The following GPR158 variants were observed in gnomAD, a reference collection of about 807,000 sequenced individuals.
The protein encoded by GPR158 is metabotropic glycine receptor.
A neutral mutation model predicts 78.2 loss-of-function variants in GPR158; 30 were observed. That is an observed-to-expected ratio of 0.38 (90% CI 0.29 to 0.52). The LOEUF (loss-of-function observed/expected upper bound fraction) is 0.52. GPR158 is among the 20% of genes least tolerant of loss of function. GPR158 has a pLI of 0.83. For synonymous variants in GPR158, 581 were observed against 591.1 expected (o/e 0.98, Z 0.25); for missense variants, 1,463 against 1,523.5 (o/e 0.96, Z 0.66).
At chr10:25,436,782 G>A (rs1470599068) in intron 4 of GPR158, among the ~76,000 whole-genome samples, 3 of 151,972 alleles carry the variant, frequency 2.0e-5, no homozygotes, top group African/African-American at 7.3e-5. Context: ...TATTTGAGAA[G>A]GAGCAGAAAA....
intron 4 of GPR158, among the ~76,000 whole-genome samples, chr10:25,440,245 G>A (rs1835050496): frequency 6.6e-6 from 1 of 152,214 alleles, no homozygotes; most frequent in Non-Finnish European, 1.5e-5. Flanking sequence ...GCTCAGTACA[G>A]GGGCCTGGGC....
chr10:25,575,354 A>C (rs1837077346), intron 7 of GPR158, among the ~76,000 whole-genome samples: 1 of 152,162 alleles, frequency 6.6e-6, no homozygotes, highest in African/African-American at 2.4e-5. Flanking sequence ...TTTTAAGTGA[A>C]ATGCACCAAA....
intron 8 of GPR158, among the ~76,000 whole-genome samples, chr10:25,591,939 A>ATTGCCT (rs1837346264): frequency 6.6e-6 from 1 of 152,050 alleles, no homozygotes; most frequent in African/African-American, 2.4e-5. Context: ...GGCAATAATA[A>ATTGCCT]ACCAATCAAG....
chr10:25,596,561 ATATAGG>A lies in GPR158; in HGVS notation c.1999-76_1999-71del, dbSNP rs747883417. On this transcript the variant is annotated intron_variant, in intron 9 of 10. Coordinates refer to ENST00000376351, the MANE Select transcript of GPR158 (RefSeq NM_020752.3). ...GGTATAGATATAGATACCTATATAG[ATATAGG>A]TATAGATATAGATATAGATATATGC... The A allele has an allele frequency of 8.4e-5, 76 of 909,626 alleles. No homozygotes were observed. In the African/African-American group the frequency reaches 1.0e-3, roughly 12 times the overall value. The allele number at this position is 909,626 out of a possible 1,614,324, so 56.3% of individuals were successfully genotyped here.
intron 2 of GPR158, among the ~76,000 whole-genome samples, chr10:25,382,166 G>T (rs1360341389): frequency 2.0e-5 from 3 of 152,194 alleles, no homozygotes; most frequent in Non-Finnish European, 4.4e-5. Flanking sequence ...AACATACAAA[G>T]AATTTACGTT....
intron 1 of GPR158, among the ~76,000 whole-genome samples, chr10:25,178,071 C>G (rs1194095428): frequency 2.0e-5 from 3 of 152,212 alleles, no homozygotes; most frequent in African/African-American, 7.2e-5. Flanking sequence ...TCTTTTTCAT[C>G]TAACATTCGC....
chr10:25,375,243 C>CTTT (rs1834061225), intron 2 of GPR158, among the ~76,000 whole-genome samples: 1 of 151,370 alleles, frequency 6.6e-6, no homozygotes, highest in African/African-American at 2.4e-5. Context: ...TGTATTTTTA[C>CTTT]CCTTCAATTT....
intron 1 of GPR158, among the ~76,000 whole-genome samples, chr10:25,216,978 G>A (rs1853225286): frequency 6.6e-6 from 1 of 152,152 alleles, no homozygotes; most frequent in African/African-American, 2.4e-5. Context: ...TTAGGAAAGT[G>A]AGTAATATTG....
At chr10:25,289,490 T>A (rs761651541) in intron 2 of GPR158, among the ~76,000 whole-genome samples, 5 of 152,132 alleles carry the variant, frequency 3.3e-5, no homozygotes, top group Non-Finnish European at 7.4e-5. Context: ...TGGAGTGCAG[T>A]GGCGCCATCT....
chr10:25,476,168 C>T (rs1266004383), intron 5 of GPR158, among the ~76,000 whole-genome samples: 1 of 152,094 alleles, frequency 6.6e-6, no homozygotes, highest in African/African-American at 2.4e-5. Context: ...GAAGTCTGTA[C>T]ATTTGTGAAC....
intron 1 of GPR158, among the ~76,000 whole-genome samples, chr10:25,204,408 ATTATT>A (rs1247415441): frequency 2.0e-5 from 3 of 152,112 alleles, no homozygotes; most frequent in African/African-American, 7.2e-5. Context: ...AATAGCTCTT[ATTATT>A]TTGAGAGATG....
chr10:25,368,770 G>A (rs1251942177), intron 2 of GPR158, among the ~76,000 whole-genome samples: 1 of 51,370 alleles, frequency 1.9e-5, no homozygotes, highest in Non-Finnish European at 5.5e-5. Context: ...GGGCAGTATG[G>A]CCATTTTCAT....
intron 5 of GPR158, among the ~76,000 whole-genome samples, chr10:25,510,759 C>G (rs1836074473): frequency 6.6e-6 from 1 of 152,180 alleles, no homozygotes; most frequent in African/African-American, 2.4e-5. Context: ...TTTGCATCCT[C>G]CTAGCTGAGC....
chr10:25,289,986 C>A, intron 2 of GPR158, among the ~76,000 whole-genome samples: 1 of 152,240 alleles, frequency 6.6e-6, no homozygotes, highest in East Asian at 1.9e-4. Flanking sequence ...TTATCATGAG[C>A]CATGTTAGTT....
At chr10:25,450,063 G>C (rs989689211) in intron 4 of GPR158, among the ~76,000 whole-genome samples, 1 of 151,344 alleles carries the variant, frequency 6.6e-6, no homozygotes, top group African/African-American at 2.4e-5. Flanking sequence ...ATACATGGGA[G>C]ACATTCAGAA....
intron 2 of GPR158, among the ~76,000 whole-genome samples, chr10:25,351,752 A>C (rs909654558): frequency 9.9e-5 from 13 of 130,734 alleles, no homozygotes; most frequent in African/African-American, 3.8e-4. Flanking sequence ...TCCAACTTCT[A>C]TTTGAAGTTC....
At chr10:25,492,847 A>G (rs1456725963) in intron 5 of GPR158, among the ~76,000 whole-genome samples, 1 of 148,596 alleles carries the variant, frequency 6.7e-6, no homozygotes, top group East Asian at 1.9e-4. Context: ...AATTATATGT[A>G]TTTTAATATT....
At chr10:25,543,153 C>T (rs1836611541) in intron 5 of GPR158, among the ~76,000 whole-genome samples, 1 of 152,130 alleles carries the variant, frequency 6.6e-6, no homozygotes, top group African/African-American at 2.4e-5. Context: ...TGGAATCTCA[C>T]TCTGTCACCC....
intron 2 of GPR158, among the ~76,000 whole-genome samples, chr10:25,293,780 C>T (rs1432741623): frequency 6.8e-6 from 1 of 147,878 alleles, no homozygotes; most frequent in Non-Finnish European, 1.5e-5. Context: ...GAGTTTCACA[C>T]TGTTGCCTGA....
Sources: gnomAD v4.1 joint callset for allele counts (sites outside exome capture counted in the v4.1 genomes callset) on GRCh38, gnomAD v4.1.1 for gene constraint, MANE v1.5 for transcripts, NCBI Gene and HGNC (gene_info 2026-07-23, HGNC 2026-07-21) for gene names.